The following MYO1B variants were observed in gnomAD, a reference collection of about 807,000 sequenced individuals.
The protein encoded by MYO1B is myosin IB, also known as unconventional myosin-Ib.
A neutral mutation model predicts 159.7 loss-of-function variants in MYO1B; 72 were observed. That is an observed-to-expected ratio of 0.45 (90% CI 0.37 to 0.55). MYO1B has a LOEUF of 0.55. Among genes scored for constraint, MYO1B ranks in the 20% least tolerant of loss-of-function variants. The pLI is 0.00. For synonymous variants in MYO1B, 468 were observed against 473.8 expected (o/e 0.99, Z 0.16); for missense variants, 1,062 against 1,364.8 (o/e 0.78, Z 3.50).
intron 7 of MYO1B, among the ~76,000 whole-genome samples, chr2:191,355,965 C>T (rs1168478732): frequency 6.6e-6 from 1 of 152,076 alleles, no homozygotes; most frequent in Non-Finnish European, 1.5e-5. Flanking sequence ...TATCTCGTGG[C>T]ACATTGTTTA....
chr2:191,346,358 AT>A (rs1692564697), intron 6 of MYO1B, 76 bp downstream of exon 6: 1 of 925,644 alleles, frequency 1.1e-6, no homozygotes, highest in Non-Finnish European at 1.6e-6. Flanking sequence ...TAGATGTTTA[AT>A]ATTTCTTAAT....
At chr2:191,284,851 C>A (rs1051667482) in intron 2 of MYO1B, among the ~76,000 whole-genome samples, 1 of 152,134 alleles carries the variant, frequency 6.6e-6, no homozygotes, top group Non-Finnish European at 1.5e-5. Context: ...CCAGGCTGGT[C>A]TTGAACTCCT....
At chr2:191,417,612 A>G (rs996840037) in intron 30 of MYO1B, among the ~76,000 whole-genome samples, 2 of 152,180 alleles carry the variant, frequency 1.3e-5, no homozygotes, top group African/African-American at 4.8e-5. Flanking sequence ...TTTACACAGA[A>G]AGGAAATCAC....
chr2:191,256,379 T>G (rs1282449618), intron 1 of MYO1B, among the ~76,000 whole-genome samples: 1 of 152,178 alleles, frequency 6.6e-6, no homozygotes, highest in East Asian at 1.9e-4. Context: ...TCAACACATG[T>G]GCAGCTCCTA....
chr2:191,254,233 A>G (rs1469287868), intron 1 of MYO1B, among the ~76,000 whole-genome samples: 4 of 152,024 alleles, frequency 2.6e-5, no homozygotes, highest in Admixed American at 6.5e-5. Context: ...ATTTTTTGAG[A>G]CAGAGTTTCG....
intron 30 of MYO1B, among the ~76,000 whole-genome samples, chr2:191,420,249 T>G (rs1336991452): frequency 6.6e-6 from 1 of 152,158 alleles, no homozygotes; most frequent in Non-Finnish European, 1.5e-5. Context: ...TTGTAAAGTT[T>G]ATAAAGCAAA....
intron 30 of MYO1B, among the ~76,000 whole-genome samples, chr2:191,422,763 CCCTT>C (rs1257394252): frequency 6.6e-6 from 1 of 152,036 alleles, no homozygotes; most frequent in Non-Finnish European, 1.5e-5. Flanking sequence ...GTTGCCAGGC[CCCTT>C]CCTTTTGTGA....
intron 7 of MYO1B, among the ~76,000 whole-genome samples, chr2:191,359,425 C>G (rs750104478): frequency 2.2e-4 from 33 of 149,906 alleles, no homozygotes; most frequent in Non-Finnish European, 1.2e-4. Flanking sequence ...CATGAAAAAT[C>G]TGCAGCATCC....
Position 191,393,492 on chromosome 2 carries a change from G to A in MYO1B, c.2226+270G>A, listed in dbSNP as rs531381828. 5.9e-5 allele frequency among the ~76,000 whole-genome samples: 9 copies of A among 152,262 alleles called. No individual in the cohort carries two copies. The East Asian group carries it at 1.4e-3, about 23-fold the overall frequency. On this transcript the variant is annotated intron_variant, in intron 20 of 30. Coordinates refer to ENST00000392318, the MANE Select transcript of MYO1B (RefSeq NM_001130158.3). ...GAGCTCAAGTTCAGTGTGCCATACCGCCTTTCACTGATCTAGCTGTATTTG... is the reference window on the plus strand; with the variant it reads ...GAGCTCAAGTTCAGTGTGCCATACCACCTTTCACTGATCTAGCTGTATTTG...
At chr2:191,372,879 CTTTTTTTTTTT>C (rs34444520) in intron 13 of MYO1B, among the ~76,000 whole-genome samples, 1 of 70,146 alleles carries the variant, frequency 1.4e-5, no homozygotes, top group Non-Finnish European at 2.5e-5. Context: ...GTTATATTTC[CTTTTTTTTTTT>C]TTTTTTTTTT....
chr2:191,258,172 C>T (rs1256147066), intron 1 of MYO1B, among the ~76,000 whole-genome samples: 1 of 152,078 alleles, frequency 6.6e-6, no homozygotes, highest in Non-Finnish European at 1.5e-5. Flanking sequence ...GACAGACAAC[C>T]GTATACAGGT....
At chr2:191,351,756 C>T (rs1692940579) in intron 7 of MYO1B, among the ~76,000 whole-genome samples, 1 of 152,118 alleles carries the variant, frequency 6.6e-6, no homozygotes, top group Non-Finnish European at 1.5e-5. Context: ...GATGTGATGG[C>T]GCATGCCTGT....
intron 23 of MYO1B, 28 bp downstream of exon 23, chr2:191,400,863 C>T (rs1309383336): frequency 1.9e-6 from 3 of 1,601,746 alleles, no homozygotes; most frequent in African/African-American, 1.3e-5. Context: ...CCCAACACTC[C>T]ATCCTGGAAT....
intron 6 of MYO1B, among the ~76,000 whole-genome samples, chr2:191,346,529 A>G (rs1304747412): frequency 1.3e-5 from 2 of 152,160 alleles, no homozygotes; most frequent in Non-Finnish European, 2.9e-5. Flanking sequence ...CCCATAAGCA[A>G]TTTAAATGAG....
chr2:191,383,448 T>TATATATATATATATATATATATA (rs1553559096), intron 15 of MYO1B, 106 bp downstream of exon 15: 2 of 127,342 alleles, frequency 1.6e-5, no homozygotes, highest in African/African-American at 8.0e-5. Flanking sequence ...TCACTGTTTT[T>TATATATATATATATATATATATA]TATATATATA....
chr2:191,311,758 C>T (rs1690015261), intron 3 of MYO1B, among the ~76,000 whole-genome samples: 1 of 152,076 alleles, frequency 6.6e-6, no homozygotes, highest in Non-Finnish European at 1.5e-5. Flanking sequence ...ATGTTAAAGG[C>T]ATAAATTATA....
At chr2:191,262,404 C>T (rs115903445) in intron 1 of MYO1B, among the ~76,000 whole-genome samples, 1 of 152,158 alleles carries the variant, frequency 6.6e-6, no homozygotes, top group African/African-American at 2.4e-5. Context: ...GACTGCCCAT[C>T]CTCTGCTTAA....
intron 3 of MYO1B, among the ~76,000 whole-genome samples, chr2:191,310,710 T>G (rs1296579249): frequency 1.3e-5 from 2 of 152,242 alleles, no homozygotes; most frequent in East Asian, 3.8e-4. Flanking sequence ...TTATGAAGGT[T>G]ATTCCAAAGT....
At chr2:191,324,541 C>T (rs1690930961) in intron 3 of MYO1B, among the ~76,000 whole-genome samples, 1 of 152,130 alleles carries the variant, frequency 6.6e-6, no homozygotes, top group Admixed American at 6.6e-5. Context: ...TCCATCTCCT[C>T]CCAGTCCCAT....
Sources: allele counts gnomAD v4.1 joint callset (sites outside exome capture counted in the v4.1 genomes callset), GRCh38; gene constraint gnomAD v4.1.1; transcripts MANE v1.5; gene names NCBI Gene and HGNC (gene_info 2026-07-23, HGNC 2026-07-21).